SLC39A11: variants seen among roughly 807,000 people sequenced by gnomAD.
SLC39A11 encodes solute carrier family 39 member 11.
SLC39A11 carries 33 observed loss-of-function variants against 36.1 expected under a neutral mutation model. The observed-to-expected ratio is 0.91, with a 90% CI of 0.69 to 1.22. The LOEUF (loss-of-function observed/expected upper bound fraction) is 1.22, where lower values mean the gene tolerates loss of function less well. Ranked by LOEUF, SLC39A11 falls within the 50% of genes most tolerant of loss-of-function variation. The pLI is 0.00. For synonymous variants in SLC39A11, 166 were observed against 170.3 expected (o/e 0.97, Z 0.20); for missense variants, 432 against 430.3 (o/e 1.00, Z -0.03).
At chr17:72,756,523 A>C (rs1249930856) in intron 6 of SLC39A11, among the ~76,000 whole-genome samples, 1 of 152,272 alleles carries the variant, frequency 6.6e-6, no homozygotes, top group Non-Finnish European at 1.5e-5. Flanking sequence ...GAGTGAAATA[A>C]GCCAATCACA....
intron 6 of SLC39A11, among the ~76,000 whole-genome samples, chr17:72,769,438 G>C (rs1390293598): frequency 6.6e-6 from 1 of 152,150 alleles, no homozygotes; most frequent in African/African-American, 2.4e-5. Flanking sequence ...CGGATCTTGG[G>C]CCCCCAAATC....
intron 7 of SLC39A11, among the ~76,000 whole-genome samples, chr17:72,721,968 CA>C (rs11399362): frequency 1.1e-3 from 112 of 104,934 alleles, no homozygotes; most frequent in East Asian, 1.9e-3. Flanking sequence ...GCCTCCATCT[CA>C]AAAAAAAAAA....
chr17:72,690,540 A>C (rs62069514), intron 7 of SLC39A11, among the ~76,000 whole-genome samples: 36,412 of 152,198 alleles, frequency 0.24, 5,318 homozygotes, highest in East Asian at 0.41. Context: ...CACATCACCA[A>C]AAGGTGGAAA....
intron 4 of SLC39A11, among the ~76,000 whole-genome samples, chr17:72,976,805 G>A (rs1271394598): frequency 2.0e-5 from 3 of 151,596 alleles, no homozygotes; most frequent in Non-Finnish European, 4.4e-5. Context: ...AGCTGAGATC[G>A]TGCCATTGCA....
chr17:72,999,422 A>C (rs913272821), intron 4 of SLC39A11, among the ~76,000 whole-genome samples: 1 of 152,214 alleles, frequency 6.6e-6, no homozygotes, highest in Non-Finnish European at 1.5e-5. Flanking sequence ...GGAATCTCAT[A>C]GGGCTTAGCA....
At chr17:72,833,700 T>C (rs1162208843) in intron 6 of SLC39A11, among the ~76,000 whole-genome samples, 1 of 152,212 alleles carries the variant, frequency 6.6e-6, no homozygotes, top group African/African-American at 2.4e-5. Context: ...GGTTGTCTAC[T>C]GGCAGATAAC....
intron 7 of SLC39A11, among the ~76,000 whole-genome samples, chr17:72,696,997 C>T (rs1301308862): frequency 1.3e-5 from 2 of 152,220 alleles, no homozygotes; most frequent in Non-Finnish European, 2.9e-5. Context: ...TACATTCTGC[C>T]CACAATGTTC....
chr17:72,767,771 T>C (rs958045338), intron 6 of SLC39A11, among the ~76,000 whole-genome samples: 8 of 152,178 alleles, frequency 5.3e-5, no homozygotes, highest in Admixed American at 2.0e-4. Context: ...TGAAACGACA[T>C]TGCCCTCAAG....
At chr17:73,073,925 T>C (rs2060239612) in intron 3 of SLC39A11, 1 of 152,094 alleles carries the variant, frequency 6.6e-6, no homozygotes, top group African/African-American at 2.4e-5. Context: ...GCATATGGTC[T>C]TGTGGTGCTT....
intron 3 of SLC39A11, among the ~76,000 whole-genome samples, chr17:73,074,048 A>G (rs2060243668): frequency 7.3e-6 from 1 of 137,210 alleles, no homozygotes; most frequent in African/African-American, 2.8e-5. Flanking sequence ...AGTAAGATGG[A>G]AAAAAAAAAA....
chr17:72,938,336 C>G (rs1399400822), intron 5 of SLC39A11, among the ~76,000 whole-genome samples: 1 of 152,168 alleles, frequency 6.6e-6, no homozygotes, highest in South Asian at 2.1e-4. Flanking sequence ...CTGTACTTCA[C>G]GCAGGTTCAA....
At chr17:72,954,886 C>T (rs538483597) in intron 4 of SLC39A11, among the ~76,000 whole-genome samples, 29 of 152,310 alleles carry the variant, frequency 1.9e-4, no homozygotes, top group African/African-American at 6.7e-4. Context: ...AGTCCTGCCT[C>T]GGGTGTCAGG....
At chr17:73,072,603 AGTGTTT>A (rs2060195975) in intron 3 of SLC39A11, 1 of 152,182 alleles carries the variant, frequency 6.6e-6, no homozygotes, top group South Asian at 2.1e-4. Context: ...CTCCTTCCTG[AGTGTTT>A]TGCTACCCTT....
intron 4 of SLC39A11, among the ~76,000 whole-genome samples, chr17:72,970,640 C>T (rs1049139993): frequency 2.0e-5 from 3 of 152,136 alleles, no homozygotes; most frequent in African/African-American, 4.8e-5. Flanking sequence ...TGTAATGCAC[C>T]GGGAATTGCC....
intron 5 of SLC39A11, among the ~76,000 whole-genome samples, chr17:72,911,286 A>G (rs935177804): frequency 5.9e-5 from 9 of 152,052 alleles, no homozygotes; most frequent in East Asian, 1.9e-4. Context: ...GAAGGGGGGA[A>G]GGATAGCATT....
chr17:72,725,022 T>A (rs916110252), intron 7 of SLC39A11, among the ~76,000 whole-genome samples: 2 of 152,222 alleles, frequency 1.3e-5, no homozygotes, highest in East Asian at 1.9e-4. Flanking sequence ...GCAAATTACA[T>A]AGGATGGTGA....
chr17:73,086,874 G>A (rs562411565), intron 2 of SLC39A11, among the ~76,000 whole-genome samples: 79 of 151,896 alleles, frequency 5.2e-4, no homozygotes, highest in African/African-American at 1.6e-3. Flanking sequence ...GGTTACCAGC[G>A]AAACCCCGTC....
At chr17:72,980,729 A>G (rs2088237153) in intron 4 of SLC39A11, among the ~76,000 whole-genome samples, 1 of 152,176 alleles carries the variant, frequency 6.6e-6, no homozygotes. Flanking sequence ...CCATATAATA[A>G]AAATAGAATG....
intron 5 of SLC39A11, among the ~76,000 whole-genome samples, chr17:72,870,500 G>A (rs567350361): frequency 1.3e-4 from 20 of 152,286 alleles, no homozygotes; most frequent in African/African-American, 4.8e-4. Flanking sequence ...AAGCATCTTC[G>A]CTAGACTCCC....
Sources: allele counts gnomAD v4.1 joint callset (sites outside exome capture counted in the v4.1 genomes callset), GRCh38; gene constraint gnomAD v4.1.1; transcripts MANE v1.5; gene names NCBI Gene and HGNC (gene_info 2026-07-23, HGNC 2026-07-21).